The following HMOX2 variants were observed in gnomAD, a reference collection of about 807,000 sequenced individuals.
HMOX2 encodes the protein heme oxygenase 2.
HMOX2 carries 30 observed loss-of-function variants against 33.7 expected under a neutral mutation model. The ratio of observed to expected loss-of-function variants is 0.89; its 90% CI spans 0.67 to 1.21. The LOEUF (loss-of-function observed/expected upper bound fraction) is 1.21, where lower values mean the gene tolerates loss of function less well. Ranked by LOEUF, HMOX2 falls within the 50% of genes most tolerant of loss-of-function variation. The pLI is 0.00. For synonymous variants in HMOX2, 155 were observed against 155.0 expected, an observed-to-expected ratio of 1.00 and a Z score of 0.00; for missense variants, 403 against 399.1, an observed-to-expected ratio of 1.01 and a Z score of -0.08.
At chr16:4,486,848 G>A (rs2058180915) in intron 1 of HMOX2, among the ~76,000 whole-genome samples, 1 of 152,168 alleles carries the variant, frequency 6.6e-6, no homozygotes, top group Admixed American at 6.6e-5. Flanking sequence ...GGTCCTGAGG[G>A]GAATGAGGAG....
chr16:4,509,299 A>C lies in HMOX2; in HGVS notation c.697-113A>C, dbSNP rs568244143. 7.8e-5 allele frequency: 107 copies of C among 1,378,576 alleles called. No individual in the cohort carries two copies. In the African/African-American group the frequency reaches 1.5e-3, roughly 19 times the overall value. 85.4% of individuals were successfully genotyped at this position (1,378,576 alleles called of 1,614,324 possible). On this transcript the variant is annotated intron_variant, in intron 4 of 5. Coordinates refer to ENST00000570646, the MANE Select transcript of HMOX2 (RefSeq NM_002134.4). Reference sequence around the variant, plus strand: ...AGGCTGCAGTGAGTTAGCCATGTTCATAACACTGCACTCTAGCCTGGGCAA... The same window carrying C: ...AGGCTGCAGTGAGTTAGCCATGTTCCTAACACTGCACTCTAGCCTGGGCAA...
intron 1 of HMOX2, among the ~76,000 whole-genome samples, chr16:4,500,364 C>T (rs1237069687): frequency 6.6e-6 from 1 of 152,148 alleles, no homozygotes; most frequent in Non-Finnish European, 1.5e-5. Flanking sequence ...ACTTAGCCTC[C>T]CTGTGTTTGT....
At chr16:4,507,661 C>A in intron 3 of HMOX2, 52 bp from the exon 4 acceptor site, 1 of 1,577,568 alleles carries the variant, frequency 6.3e-7, no homozygotes, top group South Asian at 1.2e-5. Flanking sequence ...CATCCAGCTG[C>A]TCGGATGTGG....
intron 4 of HMOX2, 50 bp from the exon 5 acceptor site, chr16:4,509,362 A>G: frequency 6.3e-7 from 1 of 1,578,168 alleles, no homozygotes. Flanking sequence ...AAAAAAAAAA[A>G]AAAGTATGGG....
chr16:4,478,338 A>AC (rs914037502), intron 1 of HMOX2, among the ~76,000 whole-genome samples: 3 of 152,182 alleles, frequency 2.0e-5, no homozygotes, highest in Admixed American at 1.3e-4. Flanking sequence ...AGCTAGAGCT[A>AC]CCTTGATTTT....
chr16:4,507,870 G>A lies in HMOX2; in HGVS notation c.362G>A (p.Trp121Ter). 1 of 1,614,212 alleles carries A rather than the reference G, an allele frequency of 6.2e-7. No homozygotes were observed. Among genetic ancestry groups the A allele is most frequent in the Non-Finnish European group, 8.5e-7 (1 of 1,180,044 alleles). The stretch of plus-strand genomic sequence containing the variant: ...ATGGAGTATTTCTTTGGTGAAAACT[G>A]GGAGGAGCAGGTGCAGTGCCCCAAG... ...KDMEYFFGEN[W>*]EEQVQCPKAA... The change falls in exon 4 of 6, where the codon TGG becomes TAG. Residue 121 changes from tryptophan to a stop codon, truncating the protein, a stop_gained. Coordinates refer to ENST00000570646, the MANE Select transcript of HMOX2 (RefSeq NM_002134.4). LOFTEE classifies it high-confidence loss of function.
chr16:4,481,534 A>C (rs2058032452), intron 1 of HMOX2, among the ~76,000 whole-genome samples: 1 of 152,160 alleles, frequency 6.6e-6, no homozygotes, highest in Non-Finnish European at 1.5e-5. Context: ...ATTTGAAATC[A>C]GAATTGTTCT....
At chr16:4,506,053 A>T (rs1192023039) in intron 2 of HMOX2, among the ~76,000 whole-genome samples, 2 of 151,986 alleles carry the variant, frequency 1.3e-5, no homozygotes, top group Non-Finnish European at 2.9e-5. Flanking sequence ...TTAGCCTCTC[A>T]TAGCCCTGTC....
chr16:4,509,718 G>T lies in HMOX2; in HGVS notation c.913G>T (p.Ala305Ser). 6.2e-7 allele frequency: 1 copy of T among 1,613,808 alleles called. No individual in the cohort carries two copies. Among genetic ancestry groups the T allele is most frequent in the Non-Finnish European group, 8.5e-7 (1 of 1,179,960 alleles). The change falls in exon 6 of 6, where the codon GCC becomes TCC. Residue 305 changes from alanine (A) to serine (S), a missense_variant. Coordinates refer to ENST00000570646, the MANE Select transcript of HMOX2 (RefSeq NM_002134.4). The part of the protein sequence containing the change: ...SLQFILAAGV[A>S]LAAGLLAWYY... ...CCAGTTCATCCTGGCCGCTGGTGTG[G>T]CCCTAGCTGCTGGACTCTTGGCCTG...
intron 1 of HMOX2, among the ~76,000 whole-genome samples, chr16:4,489,976 A>G (rs1371386653): frequency 6.6e-6 from 1 of 152,198 alleles, no homozygotes; most frequent in Non-Finnish European, 1.5e-5. Flanking sequence ...AGAATGCCTC[A>G]ATTTTGAGAA....
chr16:4,506,462 C>T (rs1463997182), intron 2 of HMOX2, among the ~76,000 whole-genome samples: 1 of 152,162 alleles, frequency 6.6e-6, no homozygotes, highest in African/African-American at 2.4e-5. Context: ...TGAGGAGACC[C>T]ATGGTCACAG....
intron 1 of HMOX2, among the ~76,000 whole-genome samples, chr16:4,479,726 A>ATTTTTTTTT (rs58936845): frequency 7.5e-5 from 6 of 79,850 alleles, no homozygotes; most frequent in African/African-American, 2.1e-4. Context: ...TTCTTATTCT[A>ATTTTTTTTT]TTTTTTTTTT....
At chr16:4,498,823 C>T (rs2058487284) in intron 1 of HMOX2, among the ~76,000 whole-genome samples, 1 of 152,180 alleles carries the variant, frequency 6.6e-6, no homozygotes, top group African/African-American at 2.4e-5. Flanking sequence ...GACCTCAGGC[C>T]ATTTATTCTA....
chr16:4,497,073 C>T (rs1362496687), intron 1 of HMOX2, among the ~76,000 whole-genome samples: 2 of 152,054 alleles, frequency 1.3e-5, no homozygotes, highest in Non-Finnish European at 2.9e-5. Flanking sequence ...TCTCAGGTTT[C>T]CCAAAATGAC....
Position 4,507,791 on chromosome 16 carries a change from GC to G in HMOX2, c.287del (p.Pro96LeufsTer14). On this transcript the variant is annotated frameshift_variant, in exon 4 of 6. Transcript: ENST00000570646. LOFTEE classifies it high-confidence loss of function. ...GCGCAACAAGGACCATCCAGCCTTT[GC>G]CCCTTTGTACTTCCCCATGGAGCTG... ...MERNKDHPAF[A>X]PLYFPMELHR... 6.2e-7 allele frequency: 1 copy of G among 1,614,180 alleles called. No homozygotes were observed. Among genetic ancestry groups the G allele is most frequent in the Non-Finnish European group, 8.5e-7 (1 of 1,180,034 alleles).
At chr16:4,474,774 C>T (rs1387382073), upstream of HMOX2, 1 of 152,376 alleles carries the variant, frequency 6.6e-6, no homozygotes, top group Non-Finnish European at 1.5e-5. Flanking sequence ...GCCTCTTAAC[C>T]GGATGCTACG....
intron 1 of HMOX2, among the ~76,000 whole-genome samples, chr16:4,483,919 T>C (rs2058095986): frequency 6.6e-6 from 1 of 151,142 alleles, no homozygotes; most frequent in African/African-American, 2.4e-5. Context: ...GCCTCAAATT[T>C]ATCTCTGTAT....
At chr16:4,491,815 C>G (rs1032006673) in intron 1 of HMOX2, among the ~76,000 whole-genome samples, 3 of 151,784 alleles carry the variant, frequency 2.0e-5, no homozygotes, top group African/African-American at 7.3e-5. Flanking sequence ...TTCTGAGAAG[C>G]TAGGACTATA....
At chr16:4,485,338 T>G (rs1045847070) in intron 1 of HMOX2, among the ~76,000 whole-genome samples, 3 of 152,208 alleles carry the variant, frequency 2.0e-5, no homozygotes, top group Non-Finnish European at 4.4e-5. Context: ...GAGGGCTGAC[T>G]GTACTGTATT....
Sources: allele counts gnomAD v4.1 joint callset (sites outside exome capture counted in the v4.1 genomes callset), GRCh38; gene constraint gnomAD v4.1.1; transcripts MANE v1.5; gene names NCBI Gene and HGNC (gene_info 2026-07-23, HGNC 2026-07-21).